LMAN2L: variants seen among roughly 807,000 people sequenced by gnomAD.
LMAN2L encodes the protein VIP36-like protein.
In LMAN2L, 30 loss-of-function variants were observed where a neutral mutation model predicts 44.3. The ratio of observed to expected loss-of-function variants is 0.68; its 90% CI spans 0.51 to 0.92. The LOEUF is 0.92. Among genes scored for constraint, LMAN2L ranks in the 40% least tolerant of loss-of-function variants. LMAN2L has a pLI of 0.00. For synonymous variants in LMAN2L, 183 were observed against 171.1 expected, an observed-to-expected ratio of 1.07 and a Z score of -0.54; for missense variants, 429 against 446.1, an observed-to-expected ratio of 0.96 and a Z score of 0.35.
intron 6 of LMAN2L, among the ~76,000 whole-genome samples, chr2:96,708,448 A>G (rs971409374): frequency 6.6e-6 from 1 of 152,250 alleles, no homozygotes; most frequent in Non-Finnish European, 1.5e-5. Context: ...TATTGAATGC[A>G]TTTTCAACTT....
At chr2:96,722,984 C>A (rs2078191015) in intron 4 of LMAN2L, among the ~76,000 whole-genome samples, 1 of 151,802 alleles carries the variant, frequency 6.6e-6, no homozygotes, top group Admixed American at 6.6e-5. Flanking sequence ...CACGCCACTG[C>A]ACTTCATACT....
Position 96,711,905 on chromosome 2 carries a change from C to T in LMAN2L, c.628G>A (p.Asp210Asn), listed in dbSNP as rs1292738069. The change falls in exon 5 of 8, where the codon GAC (aspartate) becomes AAC (asparagine). Residue 210 changes from aspartate (D) to asparagine (N), a missense_variant. Physicochemically the swap from Asp to Asn is conservative, Grantham distance 23. Coordinates refer to ENST00000264963, the MANE Select transcript of LMAN2L (RefSeq NM_030805.4). ...CTAIVRNLHY[D>N]TFLVIRYVKR... is the part of the protein sequence containing the mutation. Reference sequence around the variant, plus strand: ...ACGTAGCGAATCACCAGGAAGGTGTCGTAATGAAGATTGCGGACAATGGCT... The same window carrying T: ...ACGTAGCGAATCACCAGGAAGGTGTTGTAATGAAGATTGCGGACAATGGCT... 9.9e-6 allele frequency: 16 copies of T among 1,614,062 alleles called. No individual in the cohort carries two copies. The highest frequency in any genetic ancestry group is 4.0e-5 in the African/African-American group (3 of 74,916).
chr2:96,738,134 G>C, intron 1 of LMAN2L, 67 bp from the exon 2 acceptor site: 1 of 1,070,650 alleles, frequency 9.3e-7, no homozygotes, highest in Non-Finnish European at 1.4e-6. Flanking sequence ...AGCCACCACA[G>C]AGCCTCTGAA....
chr2:96,725,176 T>A (rs925097752), intron 4 of LMAN2L, among the ~76,000 whole-genome samples: 4 of 151,908 alleles, frequency 2.6e-5, no homozygotes, highest in African/African-American at 9.7e-5. Flanking sequence ...GCCAGGATGG[T>A]CTTGATCTCC....
chr2:96,732,593 G>A (rs1408599926), intron 4 of LMAN2L, among the ~76,000 whole-genome samples: 1 of 150,012 alleles, frequency 6.7e-6, no homozygotes, highest in African/African-American at 2.5e-5. Flanking sequence ...GCAGTGAGCC[G>A]AGATCGCGCC....
intron 2 of LMAN2L, chr2:96,737,014 T>A (rs1438621527): frequency 2.8e-6 from 1 of 356,336 alleles, no homozygotes; most frequent in Non-Finnish European, 5.4e-6. Context: ...CGTAAAAAAG[T>A]AAGTTCTTAG....
intron 4 of LMAN2L, among the ~76,000 whole-genome samples, chr2:96,718,536 A>G (rs945827625): frequency 6.6e-6 from 1 of 152,220 alleles, no homozygotes; most frequent in African/African-American, 2.4e-5. Context: ...ACTAGATGCT[A>G]CTAAATGTGA....
intron 6 of LMAN2L, among the ~76,000 whole-genome samples, chr2:96,710,323 T>A (rs1051733035): frequency 6.6e-6 from 1 of 152,182 alleles, no homozygotes; most frequent in African/African-American, 2.4e-5. Flanking sequence ...AAGTTGATTT[T>A]AAAAAAATCA....
intron 4 of LMAN2L, among the ~76,000 whole-genome samples, chr2:96,713,430 CAT>C (rs574790284): frequency 8.5e-5 from 13 of 152,170 alleles, no homozygotes; most frequent in Non-Finnish European, 1.5e-4. Flanking sequence ...CGCTCTAACC[CAT>C]AGAGGGTCCT....
At position 96,739,903 on chromosome 2, in the gene LMAN2L, T is replaced by C. The variant is rs1158191003; in HGVS notation, c.138A>G (p.Gln46=). ...GQGPQQVGAG[Q]TFEYLKREHS... ...GCTCCCGTTTCAAGTACTCGAACGT[T>C]TGACCCGCCCCGACTTGCTGTGGCC... The change falls in exon 1 of 8, where the codon CAA becomes CAG. Residue 46 remains glutamine, a synonymous_variant. Coordinates refer to ENST00000264963, the MANE Select transcript of LMAN2L (RefSeq NM_030805.4). 4 of 1,614,002 alleles carry C rather than the reference T, an allele frequency of 2.5e-6. No individual in the cohort carries two copies. The highest frequency in any genetic ancestry group is 1.3e-5 in the African/African-American group (1 of 74,916).
chr2:96,730,897 T>A (rs1574024851), intron 4 of LMAN2L, among the ~76,000 whole-genome samples: 1 of 152,060 alleles, frequency 6.6e-6, no homozygotes, highest in Non-Finnish European at 1.5e-5. Flanking sequence ...ATAGTCTCGG[T>A]CTCCTGACCT....
chr2:96,712,015 G>A lies in LMAN2L; in HGVS notation c.518C>T (p.Pro173Leu). The A allele has an allele frequency of 1.2e-6, 2 of 1,614,184 alleles. No individual in the cohort carries two copies. The highest frequency in any genetic ancestry group is 1.7e-6 in the Non-Finnish European group (2 of 1,180,032). The change falls in exon 5 of 8, where the codon CCC becomes CTC. Residue 173 changes from proline (P) to leucine (L), a missense_variant. Physicochemically the swap from Pro to Leu is moderately conservative, Grantham distance 98. Transcript: ENST00000264963. ...GTTGTTCACCATGGCTGAGATGTAG[G>A]GGAATACCCGCTGGAAAGCAGAGAG... ...NEEKQQERVF[P>L]YISAMVNNGS...
intron 4 of LMAN2L, among the ~76,000 whole-genome samples, chr2:96,714,540 T>C (rs934974373): frequency 3.9e-5 from 6 of 152,230 alleles, no homozygotes; most frequent in Admixed American, 2.6e-4. Context: ...GAGCATGTTA[T>C]CAAGCAGTTT....
intron 7 of LMAN2L, 115 bp from the exon 8 acceptor site, chr2:96,707,513 G>T: frequency 7.6e-7 from 1 of 1,308,212 alleles, no homozygotes; most frequent in Non-Finnish European, 1.0e-6. Flanking sequence ...GGAAGCCAGA[G>T]CTTAGACCCC....
intron 6 of LMAN2L, among the ~76,000 whole-genome samples, chr2:96,708,815 A>G (rs1267421246): frequency 6.6e-6 from 1 of 152,156 alleles, no homozygotes; most frequent in Admixed American, 6.5e-5. Context: ...AGAGAAGATC[A>G]AGCAATTAGG....
chr2:96,725,465 C>G (rs957531881), intron 4 of LMAN2L, among the ~76,000 whole-genome samples: 2 of 143,272 alleles, frequency 1.4e-5, no homozygotes, highest in Non-Finnish European at 3.0e-5. Context: ...TTTTTTGAGA[C>G]GGAGTCTCGT....
At position 96,739,997 on chromosome 2, in the gene LMAN2L, C is replaced by A; in HGVS notation, c.44G>T (p.Arg15Leu). 6.2e-7 allele frequency: 1 copy of A among 1,613,626 alleles called. No individual in the cohort carries two copies. The change falls in exon 1 of 8, where the codon CGG becomes CTG. Residue 15 changes from arginine (R) to leucine (L), a missense_variant. By Grantham distance (102) the Arg-to-Leu change is moderately radical. Coordinates refer to ENST00000264963, the MANE Select transcript of LMAN2L (RefSeq NM_030805.4). ...LGPLGSWQQW[R>L]RCLSARDGSR... ...CCCATCCCGAGCCGACAAACATCGCCGCCACTGCTGCCACGACCCAAGGGG... is the reference window on the plus strand; with the variant it reads ...CCCATCCCGAGCCGACAAACATCGCAGCCACTGCTGCCACGACCCAAGGGG...
Position 96,737,951 on chromosome 2 carries a change from C to G in LMAN2L, c.304G>C (p.Val102Leu), listed in dbSNP as rs1410152019. 6.2e-7 allele frequency: 1 copy of G among 1,605,766 alleles called. No individual in the cohort carries two copies. The highest frequency in any genetic ancestry group is 1.1e-5 in the South Asian group (1 of 90,948). ...ACAGGAGGGAGAAAGATTCTTACCA[C>G]CCGGTTCCACAAGGCACCCTGTTTA... ...QSKQGALWNR[V>L]PCFLRDWELQ... Residue 102 changes from valine (V) to leucine (L), a missense_variant and splice_region_variant, in exon 2 of 8, where the codon GTG becomes CTG. Coordinates refer to ENST00000264963, the MANE Select transcript of LMAN2L (RefSeq NM_030805.4).
In LMAN2L at chr2:96,733,366, G is replaced by GA. The variant is rs201157912; in HGVS notation, c.507+152dup. Among the ~76,000 whole-genome samples, 1,256 of 152,178 alleles carry GA rather than the reference G, an allele frequency of 8.3e-3. 8 individuals are homozygous for GA. Among genetic ancestry groups the GA allele is most frequent in the Non-Finnish European group, 0.011 (764 of 67,988 alleles). ...TGTGCACTCCTAAATAGTCCCTTTAGAAAAAAACACTGACAAGGACATTAA... is the reference window on the plus strand; with the variant it reads ...TGTGCACTCCTAAATAGTCCCTTTAGAAAAAAAACACTGACAAGGACATTAA... On this transcript the variant is annotated intron_variant, in intron 4 of 7. Coordinates refer to ENST00000264963, the MANE Select transcript of LMAN2L (RefSeq NM_030805.4).
Sources: gnomAD v4.1 joint callset for allele counts (sites outside exome capture counted in the v4.1 genomes callset) on GRCh38, gnomAD v4.1.1 for gene constraint, MANE v1.5 for transcripts, NCBI Gene and HGNC (gene_info 2026-07-23, HGNC 2026-07-21) for gene names.